Variants in PIK3C3 observed in about 807,000 individuals in gnomAD.
The protein encoded by PIK3C3 is PI3-kinase type 3.
In PIK3C3, 95 loss-of-function variants were observed where a neutral mutation model predicts 126.1. That is an observed-to-expected ratio of 0.75 (90% CI 0.64 to 0.89). The LOEUF is 0.89. Ranked by LOEUF, PIK3C3 falls within the 40% of genes least tolerant of loss-of-function variation. PIK3C3 has a pLI of 0.00. For synonymous variants in PIK3C3, 374 were observed against 360.0 expected, an observed-to-expected ratio of 1.04 and a Z score of -0.44; for missense variants, 829 against 1,063.2, an observed-to-expected ratio of 0.78 and a Z score of 3.06.
chr18:42,037,697 C>T lies in PIK3C3; in HGVS notation c.1845C>T (p.Ala615=). Residue 615 remains alanine (A), a synonymous_variant, in exon 17 of 25, where the codon GCC becomes GCT. Coordinates refer to ENST00000262039, the MANE Select transcript of PIK3C3 (RefSeq NM_002647.4). The stretch of plus-strand genomic sequence containing the variant: ...TCAATATTTTTATTTTCCAGAGTGC[C>T]CTTATGCCTGCACAGTTGTTTTTTA... ...IPETATLFKS[A]LMPAQLFFKT... 1.2e-6 allele frequency: 2 copies of T among 1,607,872 alleles called. No homozygotes were observed. Among genetic ancestry groups the T allele is most frequent in the South Asian group, 1.1e-5 (1 of 90,392 alleles).
At chr18:42,045,059 C>A (rs143640435) in intron 20 of PIK3C3, among the ~76,000 whole-genome samples, 2 of 152,118 alleles carry the variant, frequency 1.3e-5, no homozygotes, top group South Asian at 2.1e-4. Flanking sequence ...CAAATTTATT[C>A]GTGATGATAC....
intron 8 of PIK3C3, 124 bp from the exon 9 acceptor site, chr18:41,996,514 T>C (rs1275331735): frequency 2.1e-6 from 1 of 468,502 alleles, no homozygotes; most frequent in Admixed American, 4.0e-5. Context: ...AGTTTACATT[T>C]TCCTTGCTTG....
At chr18:42,042,996 G>A (rs953384509) in intron 19 of PIK3C3, among the ~76,000 whole-genome samples, 17 of 151,776 alleles carry the variant, frequency 1.1e-4, no homozygotes, top group African/African-American at 3.9e-4. Context: ...CGCGTTGTTT[G>A]TATTTTTTGT....
intron 24 of PIK3C3, among the ~76,000 whole-genome samples, chr18:42,067,989 A>G (rs965743337): frequency 1.3e-5 from 2 of 152,176 alleles, no homozygotes; most frequent in African/African-American, 2.4e-5. Context: ...CAGATTTAAA[A>G]CCCATTTTAA....
At chr18:41,968,873 A>G (rs1012423655) in intron 3 of PIK3C3, among the ~76,000 whole-genome samples, 1 of 152,002 alleles carries the variant, frequency 6.6e-6, no homozygotes, top group Non-Finnish European at 1.5e-5. Context: ...GCTGGAGTAC[A>G]GTGGTGCAAA....
intron 21 of PIK3C3, among the ~76,000 whole-genome samples, chr18:42,052,242 C>T (rs1412919557): frequency 6.6e-6 from 1 of 151,896 alleles, no homozygotes; most frequent in Non-Finnish European, 1.5e-5. Flanking sequence ...ACTTTTTTGG[C>T]CCAGGTCTCA....
intron 13 of PIK3C3, chr18:42,025,286 C>T (rs1245489873): frequency 1.3e-5 from 2 of 152,206 alleles, no homozygotes; most frequent in Non-Finnish European, 2.9e-5. Context: ...CGGAGATAAT[C>T]AAGGACTTTA....
intron 24 of PIK3C3, among the ~76,000 whole-genome samples, chr18:42,078,673 C>T (rs1402760805): frequency 6.6e-6 from 1 of 152,206 alleles, no homozygotes; most frequent in East Asian, 1.9e-4. Flanking sequence ...AAGCCTGTTT[C>T]ATCTGCATTG....
At chr18:42,014,064 T>C (rs900384522) in intron 11 of PIK3C3, among the ~76,000 whole-genome samples, 44 of 151,690 alleles carry the variant, frequency 2.9e-4, no homozygotes, top group African/African-American at 9.7e-4. Context: ...CCTAGCACTT[T>C]AAAGGCTGAG....
At chr18:42,062,568 A>G (rs192391335) in intron 22 of PIK3C3, among the ~76,000 whole-genome samples, 19 of 152,148 alleles carry the variant, frequency 1.2e-4, no homozygotes, top group African/African-American at 4.3e-4. Flanking sequence ...CTGATGTAGA[A>G]CCTTCATTAT....
At chr18:41,978,118 T>C (rs930344064) in intron 4 of PIK3C3, among the ~76,000 whole-genome samples, 5 of 152,014 alleles carry the variant, frequency 3.3e-5, no homozygotes, top group African/African-American at 1.2e-4. Flanking sequence ...ACCACCATGT[T>C]TGAATAGTTT....
intron 5 of PIK3C3, among the ~76,000 whole-genome samples, chr18:41,988,412 C>T (rs973954128): frequency 6.6e-6 from 1 of 152,098 alleles, no homozygotes; most frequent in Non-Finnish European, 1.5e-5. Context: ...ATAAAGATGG[C>T]TTCAATGAGA....
chr18:42,020,166 A>C (rs1983257614), intron 12 of PIK3C3, among the ~76,000 whole-genome samples: 1 of 152,112 alleles, frequency 6.6e-6, no homozygotes, highest in Non-Finnish European at 1.5e-5. Context: ...ATCCATACTC[A>C]ATAATAATGT....
chr18:41,969,935 A>T (rs1416756842), intron 3 of PIK3C3, among the ~76,000 whole-genome samples: 1 of 152,232 alleles, frequency 6.6e-6, no homozygotes, highest in Admixed American at 6.5e-5. Flanking sequence ...TAAAGAAAAC[A>T]GTTATGTAAT....
At position 41,966,715 on chromosome 18, in the gene PIK3C3, A is replaced by G. The variant is rs981130504; in HGVS notation, c.402-3612A>G. Among the ~76,000 whole-genome samples the G allele has an allele frequency of 9.8e-5, 15 of 152,300 alleles. No individual in the cohort carries two copies. In the South Asian group the frequency reaches 3.1e-3, roughly 32 times the overall value. On this transcript the variant is annotated intron_variant, in intron 3 of 24. Transcript: ENST00000262039. ...CATTTGATTTGCAAAATATGCATAC[A>G]ATATCTGCAAAAAAGTCCTTTAATT...
At chr18:42,066,272 C>T (rs549296910) in intron 23 of PIK3C3, among the ~76,000 whole-genome samples, 2 of 152,146 alleles carry the variant, frequency 1.3e-5, no homozygotes, top group African/African-American at 4.8e-5. Context: ...CCTGGTATAC[C>T]TCCAGTACAG....
Position 42,083,843 on chromosome 18 carries a change from TGAC to T in PIK3C3, c.*2709_*2711del, listed in dbSNP as rs1433992608. On this transcript the variant is annotated 3_prime_UTR_variant, in exon 25 of 25. Coordinates refer to ENST00000262039, the MANE Select transcript of PIK3C3 (RefSeq NM_002647.4). ...AGTTAGACCCCAGTGATCACAGTCT[TGAC>T]GATTAAATTCTTCCAGCTTTCATTT... 9 of 152,314 alleles carry T rather than the reference TGAC, an allele frequency of 5.9e-5. No homozygotes were observed. In the South Asian group the frequency reaches 1.9e-3, roughly 32 times the overall value. 9.4% of individuals were successfully genotyped at this position (152,314 alleles called of 1,614,324 possible).
chr18:42,075,103 G>C (rs966720669), intron 24 of PIK3C3, among the ~76,000 whole-genome samples: 13 of 151,816 alleles, frequency 8.6e-5, no homozygotes, highest in African/African-American at 3.1e-4. Context: ...AATTTGTTTG[G>C]AACATCAGGT....
rs560801800 is a variant in PIK3C3 at position 42,068,882 on chromosome 18, G to A, written c.2649+1369G>A. Among the ~76,000 whole-genome samples, 17 of 151,418 alleles carry A rather than the reference G, an allele frequency of 1.1e-4. No individual in the cohort carries two copies. The South Asian group carries it at 1.9e-3, about 17-fold the overall frequency. ...GGAGAATGGCATGAACCTGGGAGGC[G>A]GAGGTTGCGGTGAGCTGAGATTGTG... On this transcript the variant is annotated intron_variant, in intron 24 of 24. Coordinates refer to ENST00000262039, the MANE Select transcript of PIK3C3 (RefSeq NM_002647.4).
Sources: gnomAD v4.1 joint callset for allele counts (sites outside exome capture counted in the v4.1 genomes callset) on GRCh38, gnomAD v4.1.1 for gene constraint, MANE v1.5 for transcripts, NCBI Gene and HGNC (gene_info 2026-07-23, HGNC 2026-07-21) for gene names.